Variants in WDR7 observed in about 807,000 individuals in gnomAD.
The protein encoded by WDR7 is WD repeat-containing protein 7.
A neutral mutation model predicts 169.4 loss-of-function variants in WDR7; 46 were observed. The observed-to-expected ratio is 0.27, with a 90% CI of 0.21 to 0.35. The LOEUF (loss-of-function observed/expected upper bound fraction) is 0.35, where lower values mean the gene tolerates loss of function less well. Among genes scored for constraint, WDR7 ranks in the 10% least tolerant of loss-of-function variants. WDR7 has a pLI of 1.00. For synonymous variants in WDR7, 612 were observed against 666.8 expected, an observed-to-expected ratio of 0.92 and a Z score of 1.27; for missense variants, 1,534 against 1,859.3, an observed-to-expected ratio of 0.83 and a Z score of 3.22.
intron 20 of WDR7, among the ~76,000 whole-genome samples, chr18:56,866,055 A>G (rs1443662586): frequency 2.0e-5 from 3 of 152,200 alleles, no homozygotes; most frequent in Non-Finnish European, 4.4e-5. Context: ...TATGCAGTAA[A>G]CACTGAGATT....
chr18:56,748,145 T>TA (rs1302227607), intron 14 of WDR7, among the ~76,000 whole-genome samples: 2 of 152,226 alleles, frequency 1.3e-5, no homozygotes, highest in Non-Finnish European at 2.9e-5. Context: ...AGGGTTTTGT[T>TA]ATCTGTCCCT....
downstream of WDR7, chr18:57,034,367 C>T (rs2048456338): frequency 6.6e-6 from 1 of 152,246 alleles, no homozygotes; most frequent in African/African-American, 2.4e-5. Context: ...CTGGGCATTT[C>T]CTTACAGATG....
intron 25 of WDR7, among the ~76,000 whole-genome samples, chr18:56,959,690 A>G (rs1010590507): frequency 4.6e-5 from 7 of 152,186 alleles, no homozygotes; most frequent in African/African-American, 1.2e-4. Flanking sequence ...CGTAGGAAAA[A>G]TCGGTCATGC....
At chr18:56,952,081 T>C (rs1000380454) in intron 25 of WDR7, among the ~76,000 whole-genome samples, 11 of 152,326 alleles carry the variant, frequency 7.2e-5, no homozygotes, top group Admixed American at 3.3e-4. Flanking sequence ...TCAGATCATG[T>C]AAAATCTGGA....
At chr18:56,717,867 C>G (rs1598986422) in intron 12 of WDR7, 97 bp from the exon 13 acceptor site, 15 of 1,230,824 alleles carry the variant, frequency 1.2e-5, no homozygotes, top group Non-Finnish European at 1.1e-6. Context: ...TCAGTGGCAG[C>G]AAATGTATAA....
intron 20 of WDR7, among the ~76,000 whole-genome samples, chr18:56,869,125 T>A (rs2045920798): frequency 6.6e-6 from 1 of 152,220 alleles, no homozygotes; most frequent in African/African-American, 2.4e-5. Flanking sequence ...GCTTAAGATT[T>A]ATAATTATCA....
At chr18:56,813,431 G>C (rs1167349171) in intron 19 of WDR7, among the ~76,000 whole-genome samples, 1 of 151,454 alleles carries the variant, frequency 6.6e-6, no homozygotes, top group African/African-American at 2.4e-5. Flanking sequence ...TGTTTATCAA[G>C]TTCCTCTGTA....
intron 1 of WDR7, among the ~76,000 whole-genome samples, chr18:56,670,506 A>ATTATT (rs1301066391): frequency 2.0e-5 from 3 of 151,898 alleles, no homozygotes; most frequent in Admixed American, 1.3e-4. Flanking sequence ...GATATAAATT[A>ATTATT]TTATTTTATT....
At chr18:56,763,110 G>A (rs965046802) in intron 16 of WDR7, among the ~76,000 whole-genome samples, 2 of 151,624 alleles carry the variant, frequency 1.3e-5, no homozygotes, top group Non-Finnish European at 2.9e-5. Flanking sequence ...ACAGGCGCCC[G>A]CACCACGCCC....
At chr18:56,738,131 A>G (rs2026740592) in intron 14 of WDR7, among the ~76,000 whole-genome samples, 1 of 152,174 alleles carries the variant, frequency 6.6e-6, no homozygotes, top group Non-Finnish European at 1.5e-5. Flanking sequence ...GTAAGAGGGG[A>G]AATACATTTT....
chr18:56,981,226 G>GT (rs2047639872), intron 26 of WDR7, among the ~76,000 whole-genome samples: 1 of 152,178 alleles, frequency 6.6e-6, no homozygotes, highest in Non-Finnish European at 1.5e-5. Context: ...ATAATTCACA[G>GT]TTTTTGGCAT....
At chr18:56,821,378 G>C (rs1448521992) in intron 20 of WDR7, among the ~76,000 whole-genome samples, 6 of 152,138 alleles carry the variant, frequency 3.9e-5, no homozygotes, top group African/African-American at 1.4e-4. Flanking sequence ...GAGGAAACAA[G>C]CTGAGAGAGA....
chr18:57,003,397 GAAC>G (rs1053261614), intron 26 of WDR7, among the ~76,000 whole-genome samples: 12 of 151,992 alleles, frequency 7.9e-5, no homozygotes, highest in Admixed American at 1.3e-4. Context: ...GTTACTTTTT[GAAC>G]AACATTTAAA....
chr18:56,750,594 T>C (rs2043776122), intron 14 of WDR7, among the ~76,000 whole-genome samples: 1 of 152,192 alleles, frequency 6.6e-6, no homozygotes, highest in African/African-American at 2.4e-5. Flanking sequence ...ATGTTCTTAA[T>C]AAAGGTAGCA....
At chr18:56,877,996 T>A (rs2046049860) in intron 20 of WDR7, among the ~76,000 whole-genome samples, 1 of 152,194 alleles carries the variant, frequency 6.6e-6, no homozygotes, top group African/African-American at 2.4e-5. Context: ...ACTAATTCTG[T>A]GGATGCTTAT....
At position 57,027,185 on chromosome 18, in the gene WDR7, A is replaced by G. The variant is rs1260717605; in HGVS notation, c.4451A>G (p.Lys1484Arg). 1.2e-6 allele frequency: 2 copies of G among 1,613,844 alleles called. No homozygotes were observed. Among genetic ancestry groups the G allele is most frequent in the East Asian group, 2.2e-5 (1 of 44,868 alleles). The change falls in exon 28 of 28, where the codon AAG (lysine) becomes AGG (arginine). Residue 1484 changes from lysine (K) to arginine (R), a missense_variant. By Grantham distance (26) the Lys-to-Arg change is conservative. Transcript: ENST00000254442. ...RNVILMAHDG[K>R]EHRFMV ...GTCATCCTCATGGCCCATGACGGGA[A>G]GGAGCACCGCTTCATGGTCTAATGC...
At chr18:56,745,766 A>G (rs568673949) in intron 14 of WDR7, among the ~76,000 whole-genome samples, 1 of 152,338 alleles carries the variant, frequency 6.6e-6, no homozygotes, top group East Asian at 1.9e-4. Context: ...ATATAAAAAT[A>G]GCACTTGTAG....
In WDR7 at chr18:56,935,891, A is replaced by G; in HGVS notation, c.3817A>G (p.Thr1273Ala). 1 of 1,613,632 alleles carries G rather than the reference A, an allele frequency of 6.2e-7. No individual in the cohort carries two copies. Among genetic ancestry groups the G allele is most frequent in the Non-Finnish European group, 8.5e-7 (1 of 1,179,836 alleles). The stretch of plus-strand genomic sequence containing the variant: ...CGCCAGACCACCCGCCTTCATCACC[A>G]CCATAGCCAAAGAGGTGAGCGGAAC... ...ATARPPAFITTIAKEVHRHTA... is the reference protein window; with the variant it reads ...ATARPPAFITAIAKEVHRHTA... Residue 1273 changes from threonine to alanine, a missense_variant, in exon 23 of 28, where the codon ACC becomes GCC. Transcript: ENST00000254442.
intron 19 of WDR7, among the ~76,000 whole-genome samples, chr18:56,808,673 GTTAT>G (rs1480292620): frequency 1.3e-5 from 2 of 152,010 alleles, no homozygotes; most frequent in African/African-American, 4.8e-5. Flanking sequence ...GTGAGTTCAT[GTTAT>G]TTATTATTAC....
Sources: gnomAD v4.1 joint callset for allele counts (sites outside exome capture counted in the v4.1 genomes callset) on GRCh38, gnomAD v4.1.1 for gene constraint, MANE v1.5 for transcripts, NCBI Gene and HGNC (gene_info 2026-07-23, HGNC 2026-07-21) for gene names.